Variants in MAST2 observed in about 807,000 individuals in gnomAD.
MAST2 encodes the protein microtubule-associated serine/threonine-protein kinase 2.
MAST2 carries 70 observed loss-of-function variants against 147.4 expected under a neutral mutation model. The ratio of observed to expected loss-of-function variants is 0.47; its 90% CI spans 0.39 to 0.58. The LOEUF (loss-of-function observed/expected upper bound fraction) is 0.58. Among genes scored for constraint, MAST2 ranks in the 20% least tolerant of loss-of-function variants. The pLI is 0.00. For missense variants in MAST2, 2,080 were observed against 2,302.3 expected (o/e 0.90, Z 1.98); for synonymous variants, 869 against 896.8 (o/e 0.97, Z 0.55).
chr1:45,917,429 T>G, intron 4 of MAST2: 1 of 1,366,584 alleles, frequency 7.3e-7, no homozygotes, highest in Non-Finnish European at 9.8e-7. Flanking sequence ...AAGTCCCATT[T>G]AGTGCTGATT....
rs1220998363 is a variant in MAST2, at chr1:46,032,586, C to T, written c.3415-10C>T. 1 of 1,613,556 alleles carries T rather than the reference C, an allele frequency of 6.2e-7. No individual in the cohort carries two copies. The highest frequency in any genetic ancestry group is 2.2e-5 in the East Asian group (1 of 44,882). On this transcript the variant is annotated splice_polypyrimidine_tract_variant and intron_variant, in intron 25 of 28. Transcript: ENST00000361297. ...GCTCCAGTCTGAGTACTGTTCTCTT[C>T]CTGGCACAGCACGTGGAGGATGGAG...
At chr1:45,912,647 TG>T (rs1039508714) in intron 4 of MAST2, among the ~76,000 whole-genome samples, 2 of 152,254 alleles carry the variant, frequency 1.3e-5, no homozygotes, top group African/African-American at 4.8e-5. Flanking sequence ...CCCTCAGAGT[TG>T]GCAGAGCCGC....
chr1:45,919,037 G>A (rs1432721342), intron 4 of MAST2, among the ~76,000 whole-genome samples: 1 of 152,112 alleles, frequency 6.6e-6, no homozygotes, highest in African/African-American at 2.4e-5. Flanking sequence ...GTGGGAGGAT[G>A]GCTTGAGCCT....
intron 4 of MAST2, among the ~76,000 whole-genome samples, chr1:45,954,549 G>A (rs10789487): frequency 0.45 from 67,831 of 151,936 alleles, 15,334 homozygotes; most frequent in East Asian, 0.63. Context: ...GCTACCACCC[G>A]TCCGCTGAGA....
intron 3 of MAST2, among the ~76,000 whole-genome samples, chr1:45,871,008 CT>C (rs1479888883): frequency 1.3e-5 from 2 of 151,120 alleles, no homozygotes; most frequent in African/African-American, 4.9e-5. Context: ...CCAACTATCC[CT>C]TTATTTCAGC....
intron 5 of MAST2, among the ~76,000 whole-genome samples, chr1:45,964,159 A>G (rs1348151439): frequency 2.0e-5 from 3 of 152,100 alleles, no homozygotes; most frequent in South Asian, 4.1e-4. Context: ...TTTATCAGGG[A>G]TATTGGTCTA....
intron 5 of MAST2, among the ~76,000 whole-genome samples, chr1:45,959,924 G>A (rs946768053): frequency 2.0e-5 from 3 of 152,114 alleles, no homozygotes; most frequent in South Asian, 4.1e-4. Flanking sequence ...AAAGCAAGAG[G>A]AGTATGTGTT....
chr1:45,978,945 G>A (rs1396610857), intron 5 of MAST2, among the ~76,000 whole-genome samples: 1 of 152,158 alleles, frequency 6.6e-6, no homozygotes, highest in Non-Finnish European at 1.5e-5. Flanking sequence ...TAATGGTTAT[G>A]ATTGCATAGC....
intron 3 of MAST2, among the ~76,000 whole-genome samples, chr1:45,857,730 CCT>C (rs1162602891): frequency 6.6e-6 from 1 of 152,022 alleles, no homozygotes; most frequent in African/African-American, 2.4e-5. Flanking sequence ...AGGTATATCT[CCT>C]AATGCTATCC....
In MAST2 at chr1:46,030,228, G is replaced by A. The variant is rs1407884010; in HGVS notation, c.2543G>A (p.Arg848Lys). ...CGCCAGTTCTCTTCCTGCTCTCCAA[G>A]GTTCAACAAGGTGTGACTGAGGAGG... ...EIRQFSSCSP[R>K]FNKVYSSMER... The change falls in exon 21 of 29, where the codon AGG (arginine) becomes AAG (lysine). Residue 848 changes from arginine (R) to lysine (K), a missense_variant. By Grantham distance (26) the Arg-to-Lys change is conservative. Transcript: ENST00000361297. The A allele has an allele frequency of 1.9e-6, 3 of 1,613,888 alleles. No individual in the cohort carries two copies. Among genetic ancestry groups the A allele is most frequent in the Non-Finnish European group, 2.5e-6 (3 of 1,179,912 alleles).
intron 5 of MAST2, among the ~76,000 whole-genome samples, chr1:45,967,198 C>A (rs775395163): frequency 1.3e-5 from 2 of 151,838 alleles, no homozygotes; most frequent in Admixed American, 1.3e-4. Flanking sequence ...CTCATCCTCC[C>A]GAGTAGCTGG....
At chr1:45,994,828 A>T (rs1644991875) in intron 5 of MAST2, among the ~76,000 whole-genome samples, 1 of 151,334 alleles carries the variant, frequency 6.6e-6, no homozygotes, top group Non-Finnish European at 1.5e-5. Context: ...GAGAATAGCC[A>T]TATCTTCCAT....
chr1:46,011,413 T>TA (rs961698113), intron 10 of MAST2, among the ~76,000 whole-genome samples: 36 of 152,310 alleles, frequency 2.4e-4, no homozygotes, highest in African/African-American at 7.9e-4. Flanking sequence ...AGTTGGGACT[T>TA]ACATGTTTTG....
At chr1:45,917,194 T>C (rs910385252) in intron 4 of MAST2, 12 of 357,756 alleles carry the variant, frequency 3.4e-5, no homozygotes, top group African/African-American at 2.6e-4. Context: ...CCAACATTGG[T>C]ACTGAAGTAT....
At chr1:45,805,059 T>TC (rs1306935707) in intron 1 of MAST2, among the ~76,000 whole-genome samples, 1 of 151,740 alleles carries the variant, frequency 6.6e-6, no homozygotes, top group African/African-American at 2.4e-5. Flanking sequence ...GACATTTTTT[T>TC]TTTTTTTTGA....
intron 10 of MAST2, among the ~76,000 whole-genome samples, chr1:46,011,298 A>G (rs1645706053): frequency 6.6e-6 from 1 of 152,210 alleles, no homozygotes; most frequent in African/African-American, 2.4e-5. Flanking sequence ...TCTACTGGAA[A>G]TACTGGTTTA....
chr1:45,810,725 T>C (rs1400531805), intron 1 of MAST2, among the ~76,000 whole-genome samples: 9 of 143,588 alleles, frequency 6.3e-5, no homozygotes, highest in African/African-American at 2.3e-4. Context: ...GCAGGAGAAT[T>C]GCTTGAACCC....
chr1:45,812,988 G>C (rs903211597), intron 1 of MAST2, among the ~76,000 whole-genome samples: 1 of 151,836 alleles, frequency 6.6e-6, no homozygotes, highest in African/African-American at 2.4e-5. Flanking sequence ...AATATCTCTC[G>C]GGGATTGAGT....
intron 10 of MAST2, among the ~76,000 whole-genome samples, chr1:46,015,105 TA>T (rs1286327766): frequency 1.3e-5 from 2 of 151,140 alleles, no homozygotes; most frequent in Non-Finnish European, 3.0e-5. Flanking sequence ...AAGGCAGAAA[TA>T]AAGATGTTCT....
Sources: allele counts gnomAD v4.1 joint callset (sites outside exome capture counted in the v4.1 genomes callset), GRCh38; gene constraint gnomAD v4.1.1; transcripts MANE v1.5; gene names NCBI Gene and HGNC (gene_info 2026-07-23, HGNC 2026-07-21).